PRAG1: variants seen among roughly 807,000 people sequenced by gnomAD.
The protein encoded by PRAG1 is PEAK1 related, kinase-activating pseudokinase 1, also known as inactive tyrosine-protein kinase PRAG1.
Under a neutral mutation model 95.6 loss-of-function variants are expected in PRAG1, and 110 were observed. The ratio of observed to expected loss-of-function variants is 1.15; its 90% confidence interval spans 0.99 to 1.35. PRAG1 has a LOEUF of 1.35. Ranked by LOEUF, PRAG1 falls within the 40% of genes most tolerant of loss-of-function variation. PRAG1 has a pLI of 0.00. For missense variants in PRAG1, 2,554 were observed against 1,864.7 expected (o/e 1.37, Z -6.81); for synonymous variants, 1,052 against 819.4 (o/e 1.28, Z -4.85).
chr8:8,364,667 G>A (rs371855237), intron 3 of PRAG1, among the ~76,000 whole-genome samples: 1 of 142,014 alleles, frequency 7.0e-6, no homozygotes, highest in South Asian at 2.2e-4. Flanking sequence ...TTTCAATGTT[G>A]TTTTTTTTTT....
At chr8:8,376,060 T>C (rs1391891395) in intron 3 of PRAG1, among the ~76,000 whole-genome samples, 187 bp downstream of exon 3, 2 of 152,040 alleles carry the variant, frequency 1.3e-5, no homozygotes, top group African/African-American at 4.8e-5. Context: ...GTTTGCTGGG[T>C]ACAAAGAGGG....
In PRAG1 at chr8:8,376,158, G is replaced by A. The variant is rs969789481; in HGVS notation, c.2162+89C>T. 22 of 1,504,546 alleles carry A rather than the reference G, an allele frequency of 1.5e-5. 1 individual carries two copies. Among genetic ancestry groups the A allele is most frequent in the African/African-American group, 5.6e-5 (4 of 71,532 alleles). The allele number at this position is 1,504,546 out of a possible 1,614,324, so 93.2% of individuals were successfully genotyped here. ...GGCCTTTGGGCAGATTCTGGGACCT[G>A]GGCCTGAAAGCTTTGATGAGGGCAA... On this transcript the variant is annotated intron_variant, in intron 3 of 5. Transcript: ENST00000615670.
intron 1 of PRAG1, among the ~76,000 whole-genome samples, chr8:8,383,348 AT>A (rs916268671): frequency 1.3e-5 from 2 of 152,152 alleles, no homozygotes; most frequent in African/African-American, 4.8e-5. Flanking sequence ...AGGCAGGACG[AT>A]CGCTTGAGCC....
chr8:8,342,983 G>C (rs922941502), intron 3 of PRAG1, among the ~76,000 whole-genome samples: 1 of 152,048 alleles, frequency 6.6e-6, no homozygotes, highest in Non-Finnish European at 1.5e-5. Flanking sequence ...CCTTGGAGTG[G>C]CCAACTCACA....
chr8:8,330,456 G>T (rs1023241470), intron 4 of PRAG1, among the ~76,000 whole-genome samples: 1 of 152,196 alleles, frequency 6.6e-6, no homozygotes, highest in African/African-American at 2.4e-5. Context: ...GTTTCCCTGT[G>T]GTTTATCAAG....
rs751491457 is a variant in PRAG1 at position 8,328,343 on chromosome 8, A to T, written c.2439T>A (p.Pro813=). ...TCACTATCTTTTTCTGGGGGAGTGG[A>T]GGGGGCTGCTGGGGGCCACTGGGGG... ...DVSPSGPQQP[P]PLPQKKIVSR... is the part of the protein sequence containing the mutation. The change falls in exon 5 of 6, where the codon CCT becomes CCA. Residue 813 remains proline, a synonymous_variant. Coordinates refer to ENST00000615670, the MANE Select transcript of PRAG1 (RefSeq NM_001080826.3). 9 of 1,599,416 alleles carry T rather than the reference A, an allele frequency of 5.6e-6. No individual in the cohort carries two copies. Among genetic ancestry groups the T allele is most frequent in the Non-Finnish European group, 7.7e-6 (9 of 1,171,228 alleles).
intron 3 of PRAG1, among the ~76,000 whole-genome samples, chr8:8,347,523 T>C (rs1445279237): frequency 6.6e-6 from 1 of 152,220 alleles, no homozygotes; most frequent in Non-Finnish European, 1.5e-5. Context: ...TTCTCTACTA[T>C]TTAGCCACTT....
At chr8:8,324,925 C>T (rs1431332286) in intron 5 of PRAG1, among the ~76,000 whole-genome samples, 1 of 152,194 alleles carries the variant, frequency 6.6e-6, no homozygotes, top group Non-Finnish European at 1.5e-5. Flanking sequence ...TTTATCTCCT[C>T]ACTGCTGCAG....
chr8:8,324,497 A>ATCAT (rs1199745920), intron 5 of PRAG1, among the ~76,000 whole-genome samples: 1 of 152,068 alleles, frequency 6.6e-6, no homozygotes, highest in Non-Finnish European at 1.5e-5. Context: ...CGCGCCGGAG[A>ATCAT]TCATTCCACA....
chr8:8,378,050 A>G lies in PRAG1; in HGVS notation c.359T>C (p.Leu120Pro). ...QVIWRRAPGK[L>P]PLPKQEDAPV... ...GGCATCCTCCTGCTTCGGGAGGGGG[A>G]GCTTGCCAGGGGCTCGTCTCCAGAT... Residue 120 changes from leucine to proline, a missense_variant, in exon 3 of 6, where the codon CTC becomes CCC. Leu to Pro is a moderately conservative substitution (Grantham distance 98, BLOSUM62 -3). Coordinates refer to ENST00000615670, the MANE Select transcript of PRAG1 (RefSeq NM_001080826.3). The G allele has an allele frequency of 6.5e-7, 1 of 1,549,230 alleles. No individual in the cohort carries two copies. The highest frequency in any genetic ancestry group is 8.7e-7 in the Non-Finnish European group (1 of 1,148,204).
In PRAG1 at chr8:8,376,832, C is replaced by G; in HGVS notation, c.1577G>C (p.Arg526Thr). The change falls in exon 3 of 6, where the codon AGG becomes ACG. Residue 526 changes from arginine to threonine, a missense_variant. Arg to Thr is a moderately conservative substitution (Grantham distance 71). Coordinates refer to ENST00000615670, the MANE Select transcript of PRAG1 (RefSeq NM_001080826.3). ...GCTGGCACTGTGAGCATGGCTTTCC[C>G]TGGAGCTCAGCCCCTGCCCAGCCGA... ...ETSAGQGLSS[R>T]ESHAHSASES... 1 of 1,612,654 alleles carries G rather than the reference C, an allele frequency of 6.2e-7. No homozygotes were observed. Among genetic ancestry groups the G allele is most frequent in the Non-Finnish European group, 8.5e-7 (1 of 1,179,930 alleles).
intron 3 of PRAG1, among the ~76,000 whole-genome samples, chr8:8,352,919 T>G (rs935059405): frequency 6.6e-6 from 1 of 152,122 alleles, no homozygotes; most frequent in Non-Finnish European, 1.5e-5. Context: ...GAGATGGCAA[T>G]ACTTATATGA....
chr8:8,339,468 A>T lies in PRAG1; in HGVS notation c.2320+10T>A. 6.2e-7 allele frequency: 1 copy of T among 1,613,094 alleles called. No individual in the cohort carries two copies. The highest frequency in any genetic ancestry group is 8.5e-7 in the Non-Finnish European group (1 of 1,179,372). ...AATCTAAGCCTCTCCGTCAATGTCA[A>T]GTTTGTTACCTCCATCGCTGCAGGT... On this transcript the variant is annotated intron_variant, in intron 4 of 5. Coordinates refer to ENST00000615670, the MANE Select transcript of PRAG1 (RefSeq NM_001080826.3).
intron 3 of PRAG1, among the ~76,000 whole-genome samples, chr8:8,371,415 C>T (rs1245759823): frequency 6.6e-6 from 1 of 151,912 alleles, no homozygotes; most frequent in Non-Finnish European, 1.5e-5. Flanking sequence ...CGCCCGCCAT[C>T]ACGCCTGGCT....
At chr8:8,344,375 G>A (rs565804146) in intron 3 of PRAG1, among the ~76,000 whole-genome samples, 1 of 152,098 alleles carries the variant, frequency 6.6e-6, no homozygotes, top group African/African-American at 2.4e-5. Context: ...TTTACAAAAG[G>A]CTCAAGTAAA....
chr8:8,376,028 A>T (rs574675265), intron 3 of PRAG1, among the ~76,000 whole-genome samples: 3 of 152,306 alleles, frequency 2.0e-5, no homozygotes, highest in South Asian at 4.1e-4. Flanking sequence ...ACCAATCCCA[A>T]GCAGGGACCA....
chr8:8,342,459 G>A (rs959596170), intron 3 of PRAG1, among the ~76,000 whole-genome samples: 1 of 152,094 alleles, frequency 6.6e-6, no homozygotes, highest in Non-Finnish European at 1.5e-5. Context: ...GCCTCCCAAA[G>A]TACTGGGATT....
At chr8:8,337,994 T>C (rs1317387244) in intron 4 of PRAG1, among the ~76,000 whole-genome samples, 1 of 152,166 alleles carries the variant, frequency 6.6e-6, no homozygotes, top group Non-Finnish European at 1.5e-5. Flanking sequence ...TTCTCTTTTA[T>C]TGTTCTCTAA....
chr8:8,332,928 C>G (rs1400364869), intron 4 of PRAG1, among the ~76,000 whole-genome samples: 1 of 151,144 alleles, frequency 6.6e-6, no homozygotes, highest in Non-Finnish European at 1.5e-5. Flanking sequence ...CTGGATTAGG[C>G]AAGCTGGAAA....
Sources: allele counts gnomAD v4.1 joint callset (sites outside exome capture counted in the v4.1 genomes callset), GRCh38; gene constraint gnomAD v4.1.1; transcripts MANE v1.5; gene names NCBI Gene and HGNC (gene_info 2026-07-23, HGNC 2026-07-21).